The following SCFD2 variants were observed in gnomAD, a reference collection of about 807,000 sequenced individuals.
SCFD2 encodes sec1 family domain containing 2.
In SCFD2, 54 loss-of-function variants were observed where a neutral mutation model predicts 58.9. The observed-to-expected ratio is 0.92, with a 90% CI of 0.74 to 1.15. SCFD2 has a LOEUF of 1.15. Ranked by LOEUF, SCFD2 falls within the 50% of genes most tolerant of loss-of-function variation. The pLI is 0.00. For missense variants in SCFD2, 805 were observed against 836.6 expected, an observed-to-expected ratio of 0.96 and a Z score of 0.47; for synonymous variants, 321 against 335.9, an observed-to-expected ratio of 0.96 and a Z score of 0.49.
intron 5 of SCFD2, among the ~76,000 whole-genome samples, chr4:53,138,421 G>GA (rs1286146203): frequency 2.0e-5 from 3 of 152,146 alleles, no homozygotes; most frequent in Non-Finnish European, 4.4e-5. Context: ...GTTCTCTGAA[G>GA]AAAATTCAAA....
At chr4:53,347,418 G>A (rs774995024) in intron 2 of SCFD2, among the ~76,000 whole-genome samples, 2 of 152,106 alleles carry the variant, frequency 1.3e-5, no homozygotes, top group African/African-American at 4.8e-5. Context: ...CCCTGCTCTC[G>A]TGGAACTCCC....
At chr4:53,101,815 C>G (rs1724837704) in intron 5 of SCFD2, among the ~76,000 whole-genome samples, 1 of 152,168 alleles carries the variant, frequency 6.6e-6, no homozygotes, top group East Asian at 1.9e-4. Context: ...TTTGTACTCA[C>G]TAAGTCAATT....
At chr4:53,103,790 AGGCATGGGGTAGGGGATGGGAGAAAAG>A (rs1560336897) in intron 5 of SCFD2, among the ~76,000 whole-genome samples, 14 of 143,766 alleles carry the variant, frequency 9.7e-5, no homozygotes, top group Non-Finnish European at 1.1e-4. Context: ...AAAAAAAAAA[AGGCATGGGGTAGGGGATGGGAGAAAAG>A]AAAAAAAAAT....
At chr4:53,023,472 G>A (rs1177133458) in intron 5 of SCFD2, among the ~76,000 whole-genome samples, 1 of 152,010 alleles carries the variant, frequency 6.6e-6, no homozygotes, top group Non-Finnish European at 1.5e-5. Context: ...CTCACAGAGT[G>A]GTGTCTGGGT....
At chr4:53,318,987 A>T (rs1430474739) in intron 2 of SCFD2, among the ~76,000 whole-genome samples, 1 of 152,210 alleles carries the variant, frequency 6.6e-6, no homozygotes, top group Non-Finnish European at 1.5e-5. Flanking sequence ...GCAAAATCAC[A>T]ACTGAGGCAA....
At chr4:53,295,452 G>A (rs770468265) in intron 3 of SCFD2, among the ~76,000 whole-genome samples, 17 of 152,170 alleles carry the variant, frequency 1.1e-4, no homozygotes, top group Non-Finnish European at 2.4e-4. Flanking sequence ...TGTTATTGGT[G>A]TATAGGAATG....
chr4:53,124,701 C>G (rs1725575151), intron 5 of SCFD2, among the ~76,000 whole-genome samples: 1 of 152,098 alleles, frequency 6.6e-6, no homozygotes, highest in Non-Finnish European at 1.5e-5. Context: ...GTCTAGACCC[C>G]AAAGGATCAG....
chr4:53,271,189 A>G (rs1455758462), intron 4 of SCFD2, among the ~76,000 whole-genome samples: 1 of 152,084 alleles, frequency 6.6e-6, no homozygotes, highest in Non-Finnish European at 1.5e-5. Flanking sequence ...CTTGAGCCTT[A>G]CCTGCTTCAA....
At chr4:53,255,664 TCCC>T (rs1730585670) in intron 4 of SCFD2, among the ~76,000 whole-genome samples, 1 of 152,146 alleles carries the variant, frequency 6.6e-6, no homozygotes, top group African/African-American at 2.4e-5. Flanking sequence ...TCCCCACCTT[TCCC>T]CCGTTTCTAT....
In SCFD2 at chr4:53,045,692, CATAG is replaced by C. The variant is rs796301726; in HGVS notation, c.1561+99637_1561+99640del. ...GTGTGTGCTTAGCAATAACTCTTGG[CATAG>C]ATAGATAGATAGAGTGGGTGTTCAA... On this transcript the variant is annotated intron_variant, in intron 5 of 8. Coordinates refer to ENST00000401642, the MANE Select transcript of SCFD2 (RefSeq NM_152540.4). Among the ~76,000 whole-genome samples, 191 of 151,932 alleles carry C rather than the reference CATAG, an allele frequency of 1.3e-3. 1 individual carries two copies. Among genetic ancestry groups the C allele is most frequent in the Middle Eastern group, 6.8e-3 (2 of 294 alleles).
chr4:53,263,568 G>A (rs1216813070), intron 4 of SCFD2, among the ~76,000 whole-genome samples: 1 of 152,196 alleles, frequency 6.6e-6, no homozygotes, highest in Non-Finnish European at 1.5e-5. Context: ...GCTGGTACTG[G>A]GGAGTGTCTG....
chr4:53,248,473 CACAG>C (rs1048730403), intron 4 of SCFD2, among the ~76,000 whole-genome samples: 2 of 152,236 alleles, frequency 1.3e-5, no homozygotes, highest in Admixed American at 6.5e-5. Flanking sequence ...AGGGGCAGGG[CACAG>C]ACAAACAAAA....
chr4:53,275,843 C>T (rs1731310147), intron 3 of SCFD2, among the ~76,000 whole-genome samples: 1 of 152,116 alleles, frequency 6.6e-6, no homozygotes, highest in East Asian at 1.9e-4. Context: ...ATCCACGTTG[C>T]TGCTTGTATT....
chr4:53,335,173 C>G (rs916472478), intron 2 of SCFD2, among the ~76,000 whole-genome samples: 16 of 112,292 alleles, frequency 1.4e-4, no homozygotes, highest in African/African-American at 4.6e-4. Context: ...ACCAGCCTGG[C>G]GACAGAATGA....
intron 8 of SCFD2, among the ~76,000 whole-genome samples, chr4:52,874,654 G>C (rs753506717): frequency 2.0e-5 from 3 of 152,176 alleles, no homozygotes; most frequent in Non-Finnish European, 4.4e-5. Flanking sequence ...TAAGGGCTGC[G>C]AGGGAATCTG....
At chr4:53,076,787 C>T (rs1723989324) in intron 5 of SCFD2, among the ~76,000 whole-genome samples, 1 of 152,228 alleles carries the variant, frequency 6.6e-6, no homozygotes, top group Non-Finnish European at 1.5e-5. Flanking sequence ...CTGCCAGCCA[C>T]ACTTGCATTT....
intron 6 of SCFD2, among the ~76,000 whole-genome samples, chr4:52,908,655 T>C (rs1719407386): frequency 6.6e-6 from 1 of 152,128 alleles, no homozygotes; most frequent in Non-Finnish European, 1.5e-5. Flanking sequence ...TCATCTTGCT[T>C]TTCTTCCAGT....
chr4:53,124,085 A>C (rs1725558065), intron 5 of SCFD2, among the ~76,000 whole-genome samples: 1 of 152,194 alleles, frequency 6.6e-6, no homozygotes, highest in South Asian at 2.1e-4. Context: ...GTCCTATTAG[A>C]GGGTCCAATA....
chr4:53,156,074 G>A (rs897439610), intron 4 of SCFD2, among the ~76,000 whole-genome samples: 1 of 152,130 alleles, frequency 6.6e-6, no homozygotes, highest in Non-Finnish European at 1.5e-5. Context: ...TTTTGTAAAA[G>A]CCAGTTTCAC....
Sources: gnomAD v4.1 joint callset for allele counts (sites outside exome capture counted in the v4.1 genomes callset) on GRCh38, gnomAD v4.1.1 for gene constraint, MANE v1.5 for transcripts, NCBI Gene and HGNC (gene_info 2026-07-23, HGNC 2026-07-21) for gene names.